NR3C2: variants seen among roughly 807,000 people sequenced by gnomAD.
NR3C2 encodes the protein mineralocorticoid receptor.
NR3C2 carries 15 observed loss-of-function variants against 86.4 expected under a neutral mutation model. The observed-to-expected ratio is 0.17, with a 90% CI of 0.12 to 0.27. The LOEUF is 0.27. NR3C2 is among the 10% of genes least tolerant of loss of function. The probability of loss-of-function intolerance (pLI) is 1.00; values close to 1 mark genes in which losing one functional copy is unlikely to be tolerated. For synonymous variants in NR3C2, 458 were observed against 450.5 expected (o/e 1.02, Z -0.21); for missense variants, 960 against 1,195.6 (o/e 0.80, Z 2.91).
At chr4:148,181,405 G>A (rs951867383) in intron 4 of NR3C2, among the ~76,000 whole-genome samples, 1 of 152,116 alleles carries the variant, frequency 6.6e-6, no homozygotes, top group African/African-American at 2.4e-5. Flanking sequence ...CTGTAAAATG[G>A]GAGGACTGGA....
At position 148,081,359 on chromosome 4, in the gene NR3C2, G is replaced by T. The variant is rs776710327; in HGVS notation, c.2940C>A (p.Tyr980Ter). ...KVESGNAKPL[Y>*]FHRK ...CAGCGGGCAGTCACTTCCGGTGGAAGTAGAGCGGCTTGGCGTTCCCCGACT... is the reference window on the plus strand; with the variant it reads ...CAGCGGGCAGTCACTTCCGGTGGAATTAGAGCGGCTTGGCGTTCCCCGACT... Residue 980 changes from tyrosine (Y) to a stop codon, truncating the protein, a stop_gained, in exon 9 of 9, where the codon TAC becomes TAA. Transcript: ENST00000358102. LOFTEE classifies it high-confidence loss of function. 6.2e-7 allele frequency: 1 copy of T among 1,614,244 alleles called. No individual in the cohort carries two copies.
chr4:148,434,436 A>T (rs1034487362), intron 2 of NR3C2, among the ~76,000 whole-genome samples: 3 of 152,248 alleles, frequency 2.0e-5, no homozygotes, highest in African/African-American at 7.2e-5. Flanking sequence ...TACCAATTCA[A>T]AACTGCAGTG....
intron 7 of NR3C2, among the ~76,000 whole-genome samples, chr4:148,117,041 T>C (rs181478614): frequency 1.3e-5 from 2 of 152,332 alleles, no homozygotes; most frequent in East Asian, 3.9e-4. Flanking sequence ...TCCAAAGTTA[T>C]ACTCCAGAAA....
chr4:148,124,441 AT>A (rs759747824), intron 6 of NR3C2, among the ~76,000 whole-genome samples: 4 of 152,174 alleles, frequency 2.6e-5, no homozygotes, highest in Non-Finnish European at 5.9e-5. Flanking sequence ...CTTTTGGGAA[AT>A]TTCCTGTTAG....
At chr4:148,394,093 C>T (rs1747732396) in intron 2 of NR3C2, among the ~76,000 whole-genome samples, 1 of 150,772 alleles carries the variant, frequency 6.6e-6, no homozygotes, top group Admixed American at 6.6e-5. Flanking sequence ...TGAAAGAACA[C>T]AGAGAGAAAA....
intron 6 of NR3C2, among the ~76,000 whole-genome samples, chr4:148,143,228 T>C (rs1480821938): frequency 1.3e-5 from 2 of 152,220 alleles, no homozygotes; most frequent in African/African-American, 4.8e-5. Flanking sequence ...AGAAGGAGTT[T>C]GGATCCTCAG....
At chr4:148,253,407 T>C (rs528668364) in intron 3 of NR3C2, among the ~76,000 whole-genome samples, 2 of 152,296 alleles carry the variant, frequency 1.3e-5, no homozygotes, top group Non-Finnish European at 2.9e-5. Context: ...AACTAAGACT[T>C]TTCTGTGTGC....
chr4:148,344,879 G>A (rs1744916586), intron 2 of NR3C2, among the ~76,000 whole-genome samples: 1 of 152,096 alleles, frequency 6.6e-6, no homozygotes. Flanking sequence ...ATTATTCCAA[G>A]GCCATATAGA....
rs1221512023 is a variant in NR3C2, at chr4:148,080,801, G to A, written c.*543C>T. ...ATGCAGAAGACCGTGGACGAGCGAG[G>A]GCTCAGAGGCAGCTGCTGCCCCACG... On this transcript the variant is annotated 3_prime_UTR_variant, in exon 9 of 9. Transcript: ENST00000358102. The A allele has an allele frequency of 4.7e-6, 2 of 424,722 alleles. No individual in the cohort carries two copies. Among genetic ancestry groups the A allele is most frequent in the East Asian group, 7.2e-5 (1 of 13,872 alleles). 26.3% of individuals were successfully genotyped at this position (424,722 alleles called of 1,614,324 possible).
chr4:148,108,696 G>T (rs985643936), intron 8 of NR3C2, among the ~76,000 whole-genome samples: 4 of 152,178 alleles, frequency 2.6e-5, no homozygotes, highest in African/African-American at 7.2e-5. Context: ...CACCCCAGGG[G>T]TAGGTTCCCA....
At chr4:148,205,924 GT>G (rs1736981793) in intron 3 of NR3C2, among the ~76,000 whole-genome samples, 2 of 152,128 alleles carry the variant, frequency 1.3e-5, no homozygotes, top group African/African-American at 4.8e-5. Context: ...GGATGGGTGA[GT>G]TTTGTGGCTG....
rs1403587725 is a variant in NR3C2 at position 148,142,658 on chromosome 4, C to T, written c.2510+9811G>A. 2.0e-5 allele frequency among the ~76,000 whole-genome samples: 3 copies of T among 152,142 alleles called. No homozygotes were observed. In the South Asian group the frequency reaches 6.2e-4, roughly 32 times the overall value. Reference sequence around the variant, plus strand: ...CACAGGTGTGCACCACCACGCCAGACTAATTTTTTGTATTTTTGGTAGAGA... The same window carrying T: ...CACAGGTGTGCACCACCACGCCAGATTAATTTTTTGTATTTTTGGTAGAGA... On this transcript the variant is annotated intron_variant, in intron 6 of 8. Transcript: ENST00000358102.
intron 2 of NR3C2, among the ~76,000 whole-genome samples, chr4:148,431,783 C>T (rs970147251): frequency 6.6e-6 from 1 of 152,136 alleles, no homozygotes; most frequent in African/African-American, 2.4e-5. Context: ...AAATAATATT[C>T]AGTAACACTA....
intron 3 of NR3C2, among the ~76,000 whole-genome samples, chr4:148,211,155 A>G (rs1227415649): frequency 6.6e-6 from 1 of 152,222 alleles, no homozygotes; most frequent in Non-Finnish European, 1.5e-5. Context: ...AGTTAAAAGA[A>G]TTCCAAAGCA....
At chr4:148,083,140 T>A (rs1476556637) in intron 8 of NR3C2, among the ~76,000 whole-genome samples, 2 of 152,194 alleles carry the variant, frequency 1.3e-5, no homozygotes, top group Non-Finnish European at 2.9e-5. Flanking sequence ...GGGGTGGCTG[T>A]GGGCACAGCT....
intron 3 of NR3C2, among the ~76,000 whole-genome samples, chr4:148,227,881 A>C (rs77572461): frequency 0.012 from 1,859 of 152,258 alleles, 22 homozygotes; most frequent in Non-Finnish European, 0.021. Context: ...TTGCTGCTCC[A>C]AGATCATTTG....
intron 3 of NR3C2, among the ~76,000 whole-genome samples, chr4:148,211,756 A>G (rs1482926024): frequency 1.3e-5 from 2 of 152,280 alleles, no homozygotes; most frequent in East Asian, 3.9e-4. Context: ...TCTGCATTCC[A>G]TCTGTCAAAA....
In NR3C2 at chr4:148,439,115, T is replaced by C. The variant is rs567825706; in HGVS notation, c.-2-2253A>G. Among the ~76,000 whole-genome samples the C allele has an allele frequency of 3.9e-5, 6 of 152,234 alleles. No homozygotes were observed. The South Asian group carries it at 1.2e-3, about 32-fold the overall frequency. ...AGTAAAAGCTGATAGAAAACTAAAC[T>C]AAAAAACAGTGAATTGGGATCCAAA... On this transcript the variant is annotated intron_variant, in intron 1 of 8. Coordinates refer to ENST00000358102, the MANE Select transcript of NR3C2 (RefSeq NM_000901.5).
chr4:148,241,175 G>A (rs567586081), intron 3 of NR3C2, among the ~76,000 whole-genome samples: 48 of 151,250 alleles, frequency 3.2e-4, no homozygotes, highest in East Asian at 1.8e-3. Flanking sequence ...GCATGGTGGC[G>A]CACACCTGTA....
Sources: gnomAD v4.1 joint callset for allele counts (sites outside exome capture counted in the v4.1 genomes callset) on GRCh38, gnomAD v4.1.1 for gene constraint, MANE v1.5 for transcripts, NCBI Gene and HGNC (gene_info 2026-07-23, HGNC 2026-07-21) for gene names.